CNTNAP5: variants seen among roughly 807,000 people sequenced by gnomAD.
CNTNAP5 encodes contactin-associated protein-like 5.
Under a neutral mutation model 150.2 loss-of-function variants are expected in CNTNAP5, and 72 were observed. The observed-to-expected ratio is 0.48, with a 90% CI of 0.40 to 0.58. CNTNAP5 has a LOEUF of 0.58. CNTNAP5 is among the 20% of genes least tolerant of loss of function. The pLI is 0.00. For synonymous variants in CNTNAP5, 672 were observed against 619.8 expected (o/e 1.08, Z -1.25); for missense variants, 1,636 against 1,626.2 (o/e 1.01, Z -0.10).
At chr2:124,148,509 A>C (rs1360043494) in intron 1 of CNTNAP5, among the ~76,000 whole-genome samples, 1 of 146,826 alleles carries the variant, frequency 6.8e-6, no homozygotes, top group African/African-American at 2.5e-5. Flanking sequence ...AGAGGTATAT[A>C]TATATATAAT....
intron 21 of CNTNAP5, among the ~76,000 whole-genome samples, chr2:124,897,488 G>T (rs979302578): frequency 6.6e-6 from 1 of 151,464 alleles, no homozygotes; most frequent in African/African-American, 2.4e-5. Context: ...AGGTACAGAA[G>T]TTATCCAGGT....
chr2:124,298,161 T>A (rs1235357532), intron 3 of CNTNAP5, among the ~76,000 whole-genome samples: 18 of 152,158 alleles, frequency 1.2e-4, no homozygotes, highest in Non-Finnish European at 1.6e-4. Flanking sequence ...GTTTCTTTTT[T>A]AAAACTTTTA....
chr2:124,713,703 C>A (rs1384297920), intron 13 of CNTNAP5, among the ~76,000 whole-genome samples: 1 of 151,952 alleles, frequency 6.6e-6, no homozygotes, highest in Non-Finnish European at 1.5e-5. Flanking sequence ...TCCATCCTTG[C>A]TCCTTTTCTC....
intron 17 of CNTNAP5, among the ~76,000 whole-genome samples, chr2:124,786,155 G>A (rs890789720): frequency 3.3e-5 from 5 of 151,474 alleles, no homozygotes; most frequent in African/African-American, 7.3e-5. Context: ...CCAGCTACTC[G>A]GTAGGCTGAG....
chr2:124,676,071 C>G (rs1678934267), intron 13 of CNTNAP5, among the ~76,000 whole-genome samples: 1 of 152,098 alleles, frequency 6.6e-6, no homozygotes, highest in Admixed American at 6.6e-5. Context: ...TATCTGTATT[C>G]ATTTTTGTGT....
chr2:124,321,728 G>C (rs1380029922), intron 3 of CNTNAP5, among the ~76,000 whole-genome samples: 1 of 152,134 alleles, frequency 6.6e-6, no homozygotes. Flanking sequence ...GTAGTATTGG[G>C]TTGATAGTCC....
intron 6 of CNTNAP5, among the ~76,000 whole-genome samples, chr2:124,448,075 T>C (rs1158531418): frequency 6.6e-6 from 1 of 151,938 alleles, no homozygotes; most frequent in Non-Finnish European, 1.5e-5. Context: ...GAGACCATCC[T>C]GGCTAACATG....
chr2:124,755,005 C>T (rs1218664443), intron 14 of CNTNAP5, among the ~76,000 whole-genome samples: 2 of 152,034 alleles, frequency 1.3e-5, no homozygotes, highest in East Asian at 3.9e-4. Context: ...AATATCGCAT[C>T]ATTACTTTGT....
intron 1 of CNTNAP5, among the ~76,000 whole-genome samples, chr2:124,173,875 G>A (rs1266842900): frequency 6.6e-6 from 1 of 152,166 alleles, no homozygotes; most frequent in African/African-American, 2.4e-5. Context: ...AGAAGTCAAT[G>A]CCTATTTTCA....
intron 8 of CNTNAP5, among the ~76,000 whole-genome samples, chr2:124,522,176 C>T (rs1036448701): frequency 1.3e-5 from 2 of 152,160 alleles, no homozygotes; most frequent in Non-Finnish European, 2.9e-5. Context: ...CTCAGGGGTA[C>T]CGGCTCTTCA....
At chr2:124,777,976 T>C (rs940082330) in intron 17 of CNTNAP5, among the ~76,000 whole-genome samples, 2 of 152,064 alleles carry the variant, frequency 1.3e-5, no homozygotes, top group African/African-American at 4.8e-5. Flanking sequence ...TTGTCAACAT[T>C]TATAACTCAG....
At chr2:124,717,368 T>C (rs1255617752) in intron 13 of CNTNAP5, among the ~76,000 whole-genome samples, 1 of 152,238 alleles carries the variant, frequency 6.6e-6, no homozygotes, top group Admixed American at 6.5e-5. Context: ...GAGAATTGAA[T>C]GTTGCACTTT....
At chr2:124,625,209 G>A (rs1029259892) in intron 12 of CNTNAP5, among the ~76,000 whole-genome samples, 1 of 152,084 alleles carries the variant, frequency 6.6e-6, no homozygotes, top group Non-Finnish European at 1.5e-5. Flanking sequence ...GAAGGGTGAG[G>A]GCTCCATTAT....
At chr2:124,645,153 G>A (rs967834886) in intron 12 of CNTNAP5, among the ~76,000 whole-genome samples, 2 of 151,950 alleles carry the variant, frequency 1.3e-5, no homozygotes, top group Admixed American at 6.6e-5. Context: ...TGTCTATACT[G>A]GTATGAATAA....
At chr2:124,224,918 A>G (rs748226739) in intron 2 of CNTNAP5, among the ~76,000 whole-genome samples, 27 of 152,278 alleles carry the variant, frequency 1.8e-4, no homozygotes, top group Non-Finnish European at 3.7e-4. Context: ...ATGGCTTAGA[A>G]GCAATTATAA....
intron 19 of CNTNAP5, among the ~76,000 whole-genome samples, chr2:124,831,704 T>C (rs1229056582): frequency 6.6e-6 from 1 of 151,340 alleles, no homozygotes; most frequent in Non-Finnish European, 1.5e-5. Flanking sequence ...AAAATTTTTC[T>C]CTCAATTGAA....
At chr2:124,397,072 G>A (rs74525676) in intron 3 of CNTNAP5, among the ~76,000 whole-genome samples, 2,162 of 152,300 alleles carry the variant, frequency 0.014, 52 homozygotes, top group African/African-American at 0.049. Flanking sequence ...AGGCATTTCT[G>A]TGTGGAAGAA....
intron 18 of CNTNAP5, among the ~76,000 whole-genome samples, chr2:124,795,973 A>G (rs897001012): frequency 6.6e-6 from 1 of 152,024 alleles, no homozygotes; most frequent in African/African-American, 2.4e-5. Flanking sequence ...CAAGTTAAAT[A>G]TCTTTATCCT....
intron 10 of CNTNAP5, among the ~76,000 whole-genome samples, chr2:124,550,669 C>A (rs568079180): frequency 6.6e-6 from 1 of 152,258 alleles, no homozygotes; most frequent in South Asian, 2.1e-4. Flanking sequence ...AAATCTACAG[C>A]CCCTCTGTCA....
Sources: allele counts gnomAD v4.1 joint callset (sites outside exome capture counted in the v4.1 genomes callset), GRCh38; gene constraint gnomAD v4.1.1; transcripts MANE v1.5; gene names NCBI Gene and HGNC (gene_info 2026-07-23, HGNC 2026-07-21).